Variants in SEC23IP observed in about 807,000 individuals in gnomAD.
The protein encoded by SEC23IP is SEC23-interacting protein.
A neutral mutation model predicts 113.4 loss-of-function variants in SEC23IP; 70 were observed. The observed-to-expected ratio is 0.62, with a 90% confidence interval of 0.51 to 0.75. The LOEUF (loss-of-function observed/expected upper bound fraction) is 0.75, where lower values mean the gene tolerates loss of function less well. SEC23IP is among the 30% of genes least tolerant of loss of function. The pLI is 0.00. For synonymous variants in SEC23IP, 398 were observed against 421.0 expected, an observed-to-expected ratio of 0.95 and a Z score of 0.67; for missense variants, 1,160 against 1,204.9, an observed-to-expected ratio of 0.96 and a Z score of 0.55.
At chr10:119,894,853 C>T (rs976567892) in intron 1 of SEC23IP, among the ~76,000 whole-genome samples, 4 of 151,362 alleles carry the variant, frequency 2.6e-5, no homozygotes, top group Admixed American at 2.6e-4. Flanking sequence ...TCTGGTATAG[C>T]TACACCTGTC....
At chr10:119,914,659 A>G (rs1361560560) in intron 6 of SEC23IP, 71 bp from the exon 7 acceptor site, 1 of 1,233,450 alleles carries the variant, frequency 8.1e-7, no homozygotes, top group Non-Finnish European at 1.2e-6. Flanking sequence ...AGGGATATCT[A>G]GAATATTGCC....
intron 1 of SEC23IP, among the ~76,000 whole-genome samples, chr10:119,894,264 G>A (rs1487160225): frequency 6.6e-6 from 1 of 152,142 alleles, no homozygotes; most frequent in Non-Finnish European, 1.5e-5. Flanking sequence ...CTTATTTAGG[G>A]CCTAGTACAT....
intron 13 of SEC23IP, among the ~76,000 whole-genome samples, chr10:119,928,803 C>T (rs1048167504): frequency 6.6e-6 from 1 of 152,234 alleles, no homozygotes; most frequent in Non-Finnish European, 1.5e-5. Flanking sequence ...TCAAAATGTG[C>T]TCTTTCAGGA....
At chr10:119,901,934 AC>A (rs1246461746) in intron 2 of SEC23IP, among the ~76,000 whole-genome samples, 5 of 152,014 alleles carry the variant, frequency 3.3e-5, no homozygotes, top group African/African-American at 1.2e-4. Context: ...TGATCCACCC[AC>A]CTCAGCCTCC....
At chr10:119,912,317 G>A (rs1854890654) in intron 6 of SEC23IP, among the ~76,000 whole-genome samples, 153 bp downstream of exon 6, 1 of 152,118 alleles carries the variant, frequency 6.6e-6, no homozygotes, top group African/African-American at 2.4e-5. Flanking sequence ...ATTTTTTGTA[G>A]AGATGAAGTT....
intron 18 of SEC23IP, among the ~76,000 whole-genome samples, chr10:119,935,563 G>A (rs528228466): frequency 6.6e-6 from 1 of 152,134 alleles, no homozygotes; most frequent in South Asian, 2.1e-4. Context: ...CCATCTGTCC[G>A]CCCATCCGTC....
At chr10:119,900,051 G>GT (rs1484986445) in intron 2 of SEC23IP, among the ~76,000 whole-genome samples, 2 of 144,122 alleles carry the variant, frequency 1.4e-5, no homozygotes, top group East Asian at 2.0e-4. Flanking sequence ...TCCCCTCATC[G>GT]TTTTTTTCTC....
intron 13 of SEC23IP, among the ~76,000 whole-genome samples, chr10:119,929,266 C>T (rs1353901349): frequency 1.3e-5 from 2 of 151,890 alleles, no homozygotes; most frequent in Non-Finnish European, 2.9e-5. Context: ...TGGAGTCTTG[C>T]TCAGTCACCC....
chr10:119,901,051 G>T (rs375199034), intron 2 of SEC23IP, among the ~76,000 whole-genome samples: 13 of 140,662 alleles, frequency 9.2e-5, no homozygotes, highest in African/African-American at 1.3e-4. Context: ...GAGTGGGGGG[G>T]GGGTCTTGCT....
At chr10:119,907,913 C>T (rs1854731819) in intron 4 of SEC23IP, among the ~76,000 whole-genome samples, 1 of 152,146 alleles carries the variant, frequency 6.6e-6, no homozygotes. Flanking sequence ...GATTGCACCA[C>T]TGTACTCCAG....
At chr10:119,907,287 C>T (rs1854705645) in intron 4 of SEC23IP, among the ~76,000 whole-genome samples, 1 of 150,768 alleles carries the variant, frequency 6.6e-6, no homozygotes, top group Non-Finnish European at 1.5e-5. Flanking sequence ...CAGAGTGAGA[C>T]TCCATCTCAA....
chr10:119,904,270 A>G lies in SEC23IP; in HGVS notation c.1094A>G (p.Lys365Arg), dbSNP rs1458808500. ...CCCTATACTGAGGAGTTCAGTGAAA[A>G]ACTAGAGGTACGGGTGCTTTATTTC... is the stretch of plus-strand genomic sequence containing the variant. ...FIPYTEEFSE[K>R]LEAEYKKAVT... is the part of the protein sequence containing the mutation. Residue 365 changes from lysine (K) to arginine (R), a missense_variant, in exon 4 of 19, where the codon AAA becomes AGA. By Grantham distance (26) the Lys-to-Arg change is conservative. Transcript: ENST00000369075. 6.2e-7 allele frequency: 1 copy of G among 1,614,032 alleles called. No homozygotes were observed. The highest frequency in any genetic ancestry group is 1.3e-5 in the African/African-American group (1 of 75,040).
Position 119,909,036 on chromosome 10 carries a change from T to A in SEC23IP, c.1102-5T>A, listed in dbSNP as rs140393455. On this transcript the variant is annotated splice_polypyrimidine_tract_variant and splice_region_variant and intron_variant, in intron 4 of 18. Transcript: ENST00000369075. The stretch of plus-strand genomic sequence containing the variant: ...TTGGAATATATGTTGTTTCCCCCAT[T>A]ATAGGCTGAATATAAAAAAGCTGTA... 1,354 of 1,592,360 alleles carry A rather than the reference T, an allele frequency of 8.5e-4. 9 individuals are homozygous for A. The African/African-American group carries it at 0.016, about 19-fold the overall frequency.
rs778994869 is a variant in SEC23IP at position 119,920,997 on chromosome 10, T to G, written c.2121+13T>G. 2 of 1,584,402 alleles carry G rather than the reference T, an allele frequency of 1.3e-6. No individual in the cohort carries two copies. Among genetic ancestry groups the G allele is most frequent in the East Asian group, 4.5e-5 (2 of 44,676 alleles). ...AGCAGCCAAACTGGTAAAGTTCACC[T>G]CTGACTCAAGAAAAACTAAAACTCA... is the stretch of plus-strand genomic sequence containing the variant. On this transcript the variant is annotated intron_variant, in intron 12 of 18. Transcript: ENST00000369075.
At chr10:119,922,046 A>C (rs1241570800) in intron 12 of SEC23IP, among the ~76,000 whole-genome samples, 2 of 152,146 alleles carry the variant, frequency 1.3e-5, no homozygotes, top group Non-Finnish European at 2.9e-5. Flanking sequence ...TGGGAGCCGG[A>C]GATTAACCAA....
rs1207868894 is a variant in SEC23IP, at chr10:119,935,329, T to G, written c.*20+1542T>G. Among the ~76,000 whole-genome samples the G allele has an allele frequency of 2.0e-5, 3 of 152,078 alleles. No individual in the cohort carries two copies. The East Asian group carries it at 5.8e-4, about 29-fold the overall frequency. ...TACAAAAATTAGCCGGGCATGGTAG[T>G]AGGTGCCTGTAATCCCAGCAACTCA... On this transcript the variant is annotated intron_variant, in intron 18 of 18. Coordinates refer to ENST00000369075, the MANE Select transcript of SEC23IP (RefSeq NM_007190.4).
At position 119,941,748 on chromosome 10, in the gene SEC23IP, CTCTTG is replaced by C. The variant is rs1855971133; in HGVS notation, c.*1188_*1192del. The stretch of plus-strand genomic sequence containing the variant: ...TTTTAAGCAGCAAACTTATGTATTT[CTCTTG>C]TCTTCCTTAAAAGTGTCCCCATGAA... On this transcript the variant is annotated 3_prime_UTR_variant, in exon 19 of 19. Coordinates refer to ENST00000369075, the MANE Select transcript of SEC23IP (RefSeq NM_007190.4). 1 of 152,604 alleles carries C rather than the reference CTCTTG, an allele frequency of 6.6e-6. No individual in the cohort carries two copies. The highest frequency in any genetic ancestry group is 2.1e-4 in the South Asian group (1 of 4,836). The allele number at this position is 152,604 out of a possible 1,614,324, so 9.5% of individuals were successfully genotyped here.
At position 119,926,192 on chromosome 10, in the gene SEC23IP, G is replaced by T; in HGVS notation, c.2278G>T (p.Val760Leu). Reference sequence around the variant, plus strand: ...TGGTGCTTGCGTGTCTTCTGTGTGTGTGAATTATGAATCTTTTGAAGTTGG... The same window carrying T: ...TGGTGCTTGCGTGTCTTCTGTGTGTTTGAATTATGAATCTTTTGAAGTTGG... The part of the protein sequence containing the change: ...PVGACVSSVC[V>L]NYESFEVGAG... The change falls in exon 13 of 19, where the codon GTG (valine) becomes TTG (leucine). Residue 760 changes from valine (V) to leucine (L), a missense_variant. Val to Leu is a conservative substitution (Grantham distance 32). Transcript: ENST00000369075. 1 of 1,614,150 alleles carries T rather than the reference G, an allele frequency of 6.2e-7. No individual in the cohort carries two copies. Among genetic ancestry groups the T allele is most frequent in the Non-Finnish European group, 8.5e-7 (1 of 1,179,996 alleles).
intron 18 of SEC23IP, among the ~76,000 whole-genome samples, chr10:119,939,282 G>A (rs1855889763): frequency 6.6e-6 from 1 of 152,030 alleles, no homozygotes; most frequent in African/African-American, 2.4e-5. Context: ...TCGTACCACT[G>A]CACTCCAGCC....
Sources: gnomAD v4.1 joint callset for allele counts (sites outside exome capture counted in the v4.1 genomes callset) on GRCh38, gnomAD v4.1.1 for gene constraint, MANE v1.5 for transcripts, NCBI Gene and HGNC (gene_info 2026-07-23, HGNC 2026-07-21) for gene names.